The following ADAM12 variants were observed in gnomAD, a reference collection of about 807,000 sequenced individuals.
The protein encoded by ADAM12 is ADAM metallopeptidase domain 12.
ADAM12 carries 70 observed loss-of-function variants against 106.4 expected under a neutral mutation model. The ratio of observed to expected loss-of-function variants is 0.66; its 90% confidence interval spans 0.54 to 0.80. The LOEUF is 0.80. Ranked by LOEUF, ADAM12 falls within the 30% of genes least tolerant of loss-of-function variation. ADAM12 has a pLI of 0.00. For synonymous variants in ADAM12, 420 were observed against 433.5 expected (o/e 0.97, Z 0.39); for missense variants, 1,010 against 1,171.9 (o/e 0.86, Z 2.02).
intron 3 of ADAM12, among the ~76,000 whole-genome samples, chr10:126,162,519 A>G (rs1273100700): frequency 1.3e-5 from 2 of 152,110 alleles, no homozygotes; most frequent in Non-Finnish European, 2.9e-5. Flanking sequence ...TGCTGACTTT[A>G]TCCTGTGCCA....
chr10:126,149,772 C>T (rs1956696868), intron 4 of ADAM12, among the ~76,000 whole-genome samples: 2 of 152,294 alleles, frequency 1.3e-5, no homozygotes, highest in South Asian at 2.1e-4. Context: ...CAGGGGTTCT[C>T]GGGCCTTCAG....
chr10:126,061,796 GC>G (rs1954760980), intron 14 of ADAM12, among the ~76,000 whole-genome samples: 1 of 152,216 alleles, frequency 6.6e-6, no homozygotes, highest in Non-Finnish European at 1.5e-5. Context: ...CCAAAGCAAT[GC>G]TGCCTTGCCA....
intron 3 of ADAM12, among the ~76,000 whole-genome samples, chr10:126,254,964 G>A (rs554457926): frequency 3.3e-5 from 5 of 152,290 alleles, no homozygotes; most frequent in African/African-American, 1.2e-4. Flanking sequence ...AACCACAGAA[G>A]TCTCATGTTC....
At chr10:126,310,032 G>A (rs551243937) in intron 2 of ADAM12, among the ~76,000 whole-genome samples, 54 of 151,990 alleles carry the variant, frequency 3.6e-4, no homozygotes, top group Non-Finnish European at 6.5e-4. Context: ...AGTGGCATGC[G>A]CCTGTAATCC....
chr10:126,134,029 T>C (rs2133673787), intron 5 of ADAM12, among the ~76,000 whole-genome samples: 1 of 152,320 alleles, frequency 6.6e-6, no homozygotes, highest in South Asian at 2.1e-4. Flanking sequence ...AAGAATGCAT[T>C]TTGTTCAGTG....
intron 1 of ADAM12, among the ~76,000 whole-genome samples, chr10:126,331,776 G>A (rs1282270638): frequency 6.6e-6 from 1 of 152,200 alleles, no homozygotes; most frequent in Non-Finnish European, 1.5e-5. Context: ...TCAGGGTGTG[G>A]ATGGGCTGAG....
chr10:126,270,999 C>T (rs915497857), intron 3 of ADAM12, among the ~76,000 whole-genome samples: 1 of 152,188 alleles, frequency 6.6e-6, no homozygotes, highest in Non-Finnish European at 1.5e-5. Flanking sequence ...CTCATAGCTG[C>T]CAGCCACTGG....
chr10:126,308,911 T>C (rs1028139999), intron 2 of ADAM12, among the ~76,000 whole-genome samples: 2 of 152,224 alleles, frequency 1.3e-5, no homozygotes, highest in Non-Finnish European at 2.9e-5. Context: ...TCAGCTGTCA[T>C]GAAGCCCCTT....
Position 126,043,042 on chromosome 10 carries a change from G to A in ADAM12, c.2102C>T (p.Ala701Val), listed in dbSNP as rs370006214. The change falls in exon 18 of 23, where the codon GCA becomes GTA. Residue 701 changes from alanine (A) to valine (V), a missense_variant and splice_region_variant. Coordinates refer to ENST00000448723, the MANE Select transcript of ADAM12 (RefSeq NM_001288973.2). The surrounding 1 kb of genome is among the most constrained non-coding windows in gnomAD (Gnocchi z 4.1). ...GSTDSGPIRQ[A>V]DNQGLTIGIL... ...CGGGATGCAGGGGCTTCACTGACCT[G>A]CTTGCCGGATGGGGCCGCTGTCTGT... 4.1e-5 allele frequency: 66 copies of A among 1,614,012 alleles called. No individual in the cohort carries two copies. In the African/African-American group the frequency reaches 8.4e-4, roughly 21 times the overall value.
At chr10:126,305,142 T>G (rs545731244) in intron 2 of ADAM12, among the ~76,000 whole-genome samples, 8 of 152,180 alleles carry the variant, frequency 5.3e-5, no homozygotes, top group African/African-American at 1.7e-4. Flanking sequence ...AAAAATATAT[T>G]TCTACACAGT....
At chr10:126,334,243 G>GA (rs760904387) in intron 1 of ADAM12, among the ~76,000 whole-genome samples, 3 of 151,974 alleles carry the variant, frequency 2.0e-5, no homozygotes, top group Non-Finnish European at 4.4e-5. Flanking sequence ...GAAACCCGGG[G>GA]AAAAAATATG....
chr10:126,204,195 C>T (rs966970458), intron 3 of ADAM12, among the ~76,000 whole-genome samples: 1 of 152,208 alleles, frequency 6.6e-6, no homozygotes, highest in Non-Finnish European at 1.5e-5. Flanking sequence ...CAGCTCCAGT[C>T]AGTGGATCTG....
At chr10:126,113,727 TATATAA>T (rs1955926536) in intron 6 of ADAM12, among the ~76,000 whole-genome samples, 1 of 32,344 alleles carries the variant, frequency 3.1e-5, no homozygotes, top group East Asian at 1.4e-3. Context: ...TATATATATA[TATATAA>T]TATATTGCTC....
intron 19 of ADAM12, among the ~76,000 whole-genome samples, chr10:126,038,961 T>TTC: frequency 7.5e-6 from 1 of 133,742 alleles, no homozygotes; most frequent in Non-Finnish European, 1.6e-5. Flanking sequence ...TCTTTTTTTT[T>TTC]TTTTTTTTTT....
intron 3 of ADAM12, among the ~76,000 whole-genome samples, chr10:126,260,042 T>G (rs1958969126): frequency 6.6e-6 from 1 of 152,152 alleles, no homozygotes; most frequent in Admixed American, 6.5e-5. Flanking sequence ...GCCTGCAAGG[T>G]CAGCCACCAC....
intron 5 of ADAM12, among the ~76,000 whole-genome samples, chr10:126,133,292 C>T (rs900679904): frequency 2.6e-5 from 4 of 152,154 alleles, no homozygotes; most frequent in African/African-American, 4.8e-5. Context: ...TGGGCGTGTA[C>T]GCGTATTGGA....
intron 21 of ADAM12, among the ~76,000 whole-genome samples, chr10:126,027,191 T>C (rs1255571144): frequency 6.6e-6 from 1 of 152,150 alleles, no homozygotes; most frequent in Non-Finnish European, 1.5e-5. Flanking sequence ...ATTGAATCCC[T>C]GAATAGGCCA....
chr10:126,154,100 C>T (rs768829015), intron 4 of ADAM12, among the ~76,000 whole-genome samples: 2 of 152,124 alleles, frequency 1.3e-5, no homozygotes, highest in South Asian at 2.1e-4. Flanking sequence ...CAGTTGCAGG[C>T]GGTTACTTCT....
In ADAM12 at chr10:126,016,669, T is replaced by A. The variant is rs1156553023; in HGVS notation, c.*610A>T. ...TTAAGATTCCTGTCTGCAACCCAGG[T>A]TCTCACCAAAGCTTCCTGGCCAGAA... On this transcript the variant is annotated 3_prime_UTR_variant, in exon 23 of 23. Transcript: ENST00000448723. The A allele has an allele frequency of 6.6e-6, 1 of 152,328 alleles. No homozygotes were observed. Among genetic ancestry groups the A allele is most frequent in the East Asian group, 1.9e-4 (1 of 5,194 alleles). The allele number at this position is 152,328 out of a possible 1,614,324, so 9.4% of individuals were successfully genotyped here. A position where few individuals can be genotyped will look rare whatever the true frequency, so the allele number is the denominator to read the frequency against.
Sources: allele counts gnomAD v4.1 joint callset (sites outside exome capture counted in the v4.1 genomes callset), GRCh38; gene constraint gnomAD v4.1.1; non-coding constraint Gnocchi (gnomAD v3.1); transcripts MANE v1.5; gene names NCBI Gene and HGNC (gene_info 2026-07-23, HGNC 2026-07-21).